Variants in SDK2 observed in about 807,000 individuals in gnomAD.
SDK2 encodes the protein sidekick cell adhesion molecule 2.
Under a neutral mutation model 253.9 loss-of-function variants are expected in SDK2, and 105 were observed. That is an observed-to-expected ratio of 0.41 (90% CI 0.35 to 0.49). SDK2 has a LOEUF of 0.49. Ranked by LOEUF, SDK2 falls within the 20% of genes least tolerant of loss-of-function variation. The probability of loss-of-function intolerance (pLI) is 0.06; values close to 1 mark genes in which losing one functional copy is unlikely to be tolerated. For missense variants in SDK2, 2,608 were observed against 3,003.0 expected (o/e 0.87, Z 3.07); for synonymous variants, 1,249 against 1,234.9 (o/e 1.01, Z -0.24).
intron 1 of SDK2, among the ~76,000 whole-genome samples, chr17:73,628,073 C>A (rs11077695): frequency 0.37 from 56,231 of 151,082 alleles, 10,777 homozygotes; most frequent in African/African-American, 0.48. Flanking sequence ...AAAACAAAAC[C>A]AAACCAAAAA....
At position 73,447,620 on chromosome 17, in the gene SDK2, A is replaced by G. The variant is rs2063462531; in HGVS notation, c.608T>C (p.Val203Ala). The change falls in exon 5 of 45, where the codon GTG becomes GCG. Residue 203 changes from valine to alanine, a missense_variant. Transcript: ENST00000392650. The surrounding 1 kb of genome is among the most constrained non-coding windows in gnomAD (Gnocchi z 4.0). Reference protein sequence around the residue: ...NKTSQPITLTVENVGGPADPI... With the variant: ...NKTSQPITLTAENVGGPADPI... The stretch of plus-strand genomic sequence containing the variant: ...CCGGCCCTGTGCGTACTTACTCTCC[A>G]CGGTGAGCGTGATGGGCTGGCTGGT... 6.4e-7 allele frequency: 1 copy of G among 1,551,678 alleles called. No individual in the cohort carries two copies. Among genetic ancestry groups the G allele is most frequent in the Admixed American group, 2.0e-5 (1 of 50,996 alleles).
chr17:73,522,962 CCA>C, intron 1 of SDK2, among the ~76,000 whole-genome samples: 1 of 152,282 alleles, frequency 6.6e-6, no homozygotes, highest in East Asian at 1.9e-4. Flanking sequence ...GGGCTGGAGG[CCA>C]GGCCCTGTCC....
intron 1 of SDK2, chr17:73,519,055 C>T (rs1013934100): frequency 2.2e-4 from 33 of 152,274 alleles, no homozygotes; most frequent in African/African-American, 7.2e-4. Context: ...ACACTGTCTT[C>T]CTACAGGTCT....
Position 73,361,034 on chromosome 17 carries a change from G to C in SDK2, c.5467+650C>G, listed in dbSNP as rs1297941378. ...GAGGGGCGGGCAGTTACACACAAAA[G>C]GGCGTTCTGCGGAGGGGGTGGGTGG... is the stretch of plus-strand genomic sequence containing the variant. On this transcript the variant is annotated intron_variant, in intron 39 of 44. Coordinates refer to ENST00000392650, the MANE Select transcript of SDK2 (RefSeq NM_001144952.2). The surrounding 1 kb of genome is among the most constrained non-coding windows in gnomAD (Gnocchi z 4.1). Among the ~76,000 whole-genome samples the C allele has an allele frequency of 6.6e-6, 1 of 151,134 alleles. No homozygotes were observed. The highest frequency in any genetic ancestry group is 2.0e-4 in the East Asian group (1 of 5,128).
intron 16 of SDK2, among the ~76,000 whole-genome samples, chr17:73,418,281 C>T (rs556739462): frequency 6.6e-6 from 1 of 152,332 alleles, no homozygotes; most frequent in East Asian, 1.9e-4. Flanking sequence ...GCTGGGATTA[C>T]AGGCGTGAAA....
At chr17:73,623,772 C>T (rs529085419) in intron 1 of SDK2, among the ~76,000 whole-genome samples, 183 of 152,282 alleles carry the variant, frequency 1.2e-3, no homozygotes, top group African/African-American at 4.1e-3. Flanking sequence ...GGCTGGACTG[C>T]TCTGCCCGTT....
chr17:73,427,959 A>G (rs1276612747), intron 12 of SDK2, among the ~76,000 whole-genome samples: 1 of 152,240 alleles, frequency 6.6e-6, no homozygotes, highest in African/African-American at 2.4e-5. Context: ...TCTTTGATAA[A>G]GCACTGCTAT....
In SDK2 at chr17:73,336,877, T is replaced by TACA. The variant is rs35772919; in HGVS notation, c.*1709_*1710insTGT. 0.065 allele frequency: 9,983 copies of TACA among 152,664 alleles called. 369 individuals carry two copies. The highest frequency in any genetic ancestry group is 0.091 in the Non-Finnish European group (6,223 of 68,070). The allele number at this position is 152,664 out of a possible 1,614,324, so 9.5% of individuals were successfully genotyped here. ...CCCATCTCAGCGGTGGGGCAGGTGTTGGGCTGGCCTTACAGGGCTGGCTGA... is the reference window on the plus strand; with the variant it reads ...CCCATCTCAGCGGTGGGGCAGGTGTTACAGGGCTGGCCTTACAGGGCTGGCTGA... On this transcript the variant is annotated 3_prime_UTR_variant, in exon 45 of 45. Transcript: ENST00000392650.
chr17:73,397,998 T>G lies in SDK2; in HGVS notation c.3354+37A>C, dbSNP rs77540605. 2.5e-3 allele frequency: 4,040 copies of G among 1,602,410 alleles called. 83 individuals are homozygous for G. In the East Asian group the frequency reaches 0.05, roughly 20 times the overall value. ...CTAGGAGGCAATGACCAGAAGCTCA[T>G]GGAGAGGTCCCACCCCTGCCCTCGA... On this transcript the variant is annotated intron_variant, in intron 24 of 44. Transcript: ENST00000392650.
chr17:73,338,746 G>C lies in SDK2; in HGVS notation c.6360C>G (p.Ser2120Arg). The change falls in exon 45 of 45, where the codon AGC (serine) becomes AGG (arginine). Residue 2120 changes from serine to arginine, a missense_variant. By Grantham distance (110) the Ser-to-Arg change is moderately radical. Around this residue, in one of 2 missense-constraint regions of SDK2, gnomAD observed 1,103 missense variants for 1,143.9 expected, o/e 0.96. Coordinates refer to ENST00000392650, the MANE Select transcript of SDK2 (RefSeq NM_001144952.2). The surrounding 1 kb of genome is among the most constrained non-coding windows in gnomAD (Gnocchi z 5.0). The part of the protein sequence containing the change: ...PDHTTVTNST[S>R]TQQGSLFRPK... ...GCCGAAAGAGGCTGCCCTGCTGGGT[G>C]CTGGTGCTGTTGGTGACGGTGGTGT... The C allele has an allele frequency of 6.2e-7, 1 of 1,613,822 alleles. No homozygotes were observed. The highest frequency in any genetic ancestry group is 2.2e-5 in the East Asian group (1 of 44,858).
At chr17:73,339,228 T>G (rs557602857) in intron 44 of SDK2, among the ~76,000 whole-genome samples, 7 of 141,386 alleles carry the variant, frequency 5.0e-5, no homozygotes, top group South Asian at 2.4e-4. Flanking sequence ...TTTTTGTTTT[T>G]GTTTTTGTTT....
chr17:73,390,580 A>G (rs2062919913), intron 28 of SDK2, 99 bp from the exon 29 acceptor site: 3 of 1,234,588 alleles, frequency 2.4e-6, no homozygotes, highest in Non-Finnish European at 3.4e-6. Flanking sequence ...CTGTGTCTGT[A>G]CATGGCCACC....
At chr17:73,604,038 G>T (rs942073382) in intron 1 of SDK2, among the ~76,000 whole-genome samples, 2 of 152,246 alleles carry the variant, frequency 1.3e-5, no homozygotes, top group Non-Finnish European at 2.9e-5. Flanking sequence ...GGGCCAAATG[G>T]GCAGCAGATC....
Position 73,496,783 on chromosome 17 carries a change from A to C in SDK2, c.224+10655T>G, listed in dbSNP as rs140106309. On this transcript the variant is annotated intron_variant, in intron 2 of 44. Coordinates refer to ENST00000392650, the MANE Select transcript of SDK2 (RefSeq NM_001144952.2). This position sits in a 1 kb window ranked among gnomAD's most constrained non-coding sequence, Gnocchi z 4.7. Reference sequence around the variant, plus strand: ...ACTTGCCTGTGAGGATTCCCCCTCCACTCCCTGCCCCGACTTGCTCATCCC... The same window carrying C: ...ACTTGCCTGTGAGGATTCCCCCTCCCCTCCCTGCCCCGACTTGCTCATCCC... Among the ~76,000 whole-genome samples, 4 of 149,368 alleles carry C rather than the reference A, an allele frequency of 2.7e-5. No individual in the cohort carries two copies. In the East Asian group the frequency reaches 5.9e-4, roughly 22 times the overall value.
chr17:73,636,878 T>C (rs946122932), intron 1 of SDK2, among the ~76,000 whole-genome samples: 2 of 152,138 alleles, frequency 1.3e-5, no homozygotes, highest in African/African-American at 4.8e-5. Context: ...GCTTATGATA[T>C]GTCAGGCTCC....
intron 2 of SDK2, among the ~76,000 whole-genome samples, chr17:73,475,702 G>A (rs1281514326): frequency 6.6e-6 from 1 of 152,176 alleles, no homozygotes; most frequent in Non-Finnish European, 1.5e-5. Context: ...GGAGGGGAAG[G>A]TTTGCGAATA....
At chr17:73,525,758 C>A (rs545466755) in intron 1 of SDK2, among the ~76,000 whole-genome samples, 51 of 152,270 alleles carry the variant, frequency 3.3e-4, no homozygotes, top group African/African-American at 7.2e-4. Flanking sequence ...AAGGCTCCCC[C>A]CTACCTTGCC....
intron 1 of SDK2, among the ~76,000 whole-genome samples, chr17:73,636,116 G>A (rs943683294): frequency 2.6e-5 from 4 of 152,136 alleles, no homozygotes; most frequent in Non-Finnish European, 5.9e-5. Context: ...GACGTATGCC[G>A]TGGAAGCCAA....
rs1297295650 is a variant in SDK2 at position 73,437,972 on chromosome 17, G to A, written c.908C>T (p.Ser303Leu). The change falls in exon 7 of 45, where the codon TCA (serine) becomes TTA (leucine). Residue 303 changes from serine to leucine, a missense_variant. Physicochemically the swap from Ser to Leu is moderately radical, Grantham distance 145. Around this residue, in one of 2 missense-constraint regions of SDK2, gnomAD observed 1,505 missense variants for 1,859.1 expected, o/e 0.81. Coordinates refer to ENST00000392650, the MANE Select transcript of SDK2 (RefSeq NM_001144952.2). Reference protein sequence around the residue: ...VPSVVRGAYLSVLEPPQFVKE... With the variant: ...VPSVVRGAYLLVLEPPQFVKE... ...GCCCCACCCTCTCTCACCCAGCACT[G>A]AGAGGTAGGCGCCCCGGACAACAGA... 1 of 1,551,718 alleles carries A rather than the reference G, an allele frequency of 6.4e-7. No homozygotes were observed. Among genetic ancestry groups the A allele is most frequent in the Non-Finnish European group, 8.7e-7 (1 of 1,147,052 alleles).
Sources: gnomAD v4.1 joint callset for allele counts (sites outside exome capture counted in the v4.1 genomes callset) on GRCh38, gnomAD v4.1.1 for gene constraint, gnomAD v4.1.1 regional missense constraint, Gnocchi (gnomAD v3.1) non-coding constraint, MANE v1.5 for transcripts, NCBI Gene and HGNC (gene_info 2026-07-23, HGNC 2026-07-21) for gene names.